SERPINA10: variants seen among roughly 807,000 people sequenced by gnomAD.
SERPINA10 encodes serpin family A member 10, also known as protein Z-dependent protease inhibitor.
In SERPINA10, 24 loss-of-function variants were observed where a neutral mutation model predicts 28.0. The observed-to-expected ratio is 0.86, with a 90% CI of 0.62 to 1.20. The LOEUF (loss-of-function observed/expected upper bound fraction) is 1.20, where lower values mean the gene tolerates loss of function less well. Ranked by LOEUF, SERPINA10 falls within the 50% of genes most tolerant of loss-of-function variation. The probability of loss-of-function intolerance (pLI) is 0.00; values close to 1 mark genes in which losing one functional copy is unlikely to be tolerated. For missense variants in SERPINA10, 521 were observed against 537.7 expected, an observed-to-expected ratio of 0.97 and a Z score of 0.31; for synonymous variants, 207 against 203.9, an observed-to-expected ratio of 1.02 and a Z score of -0.13.
intron 4 of SERPINA10, among the ~76,000 whole-genome samples, chr14:94,284,512 C>T (rs1316595732): frequency 6.6e-6 from 1 of 152,186 alleles, no homozygotes; most frequent in East Asian, 1.9e-4. Context: ...TTTCAAGCTG[C>T]CTGGATCCCT....
rs1894878811 is a variant in SERPINA10, at chr14:94,280,768, C to T, written c.*3197G>A. 2 of 152,174 alleles carry T rather than the reference C, an allele frequency of 1.3e-5. No individual in the cohort carries two copies. Among genetic ancestry groups the T allele is most frequent in the African/African-American group, 4.8e-5 (2 of 41,444 alleles). 9.4% of individuals were successfully genotyped at this position (152,174 alleles called of 1,614,324 possible). On this transcript the variant is annotated 3_prime_UTR_variant, in exon 5 of 5. Coordinates refer to ENST00000261994, the MANE Select transcript of SERPINA10 (RefSeq NM_001100607.3). The stretch of plus-strand genomic sequence containing the variant: ...AAGTCCAGGAATTTCACTAGTTAGC[C>T]TTACAAGCTAACTGTAGAGCTCACT...
intron 3 of SERPINA10, 33 bp from the exon 4 acceptor site, chr14:94,286,291 A>G: frequency 6.2e-7 from 1 of 1,611,926 alleles, no homozygotes; most frequent in Non-Finnish European, 8.5e-7. Flanking sequence ...GGTGAAATGT[A>G]GACAAAGCCC....
At chr14:94,292,582 T>G in intron 1 of SERPINA10, 1 of 701,532 alleles carries the variant, frequency 1.4e-6, no homozygotes, top group Non-Finnish European at 2.6e-6. Context: ...CAACTAGATG[T>G]CACCACCTCC....
chr14:94,291,843 C>T (rs780948618), intron 1 of SERPINA10, among the ~76,000 whole-genome samples: 8 of 152,256 alleles, frequency 5.3e-5, no homozygotes, highest in Admixed American at 1.3e-4. Flanking sequence ...CCGCCTCCAG[C>T]GCCAGGGCCC....
At position 94,290,152 on chromosome 14, in the gene SERPINA10, G is replaced by A; in HGVS notation, c.442C>T (p.Leu148Phe). 1 of 1,614,168 alleles carries A rather than the reference G, an allele frequency of 6.2e-7. No individual in the cohort carries two copies. The highest frequency in any genetic ancestry group is 2.2e-5 in the East Asian group (1 of 44,868). The part of the protein sequence containing the change: ...PGLLPSLFKG[L>F]RETLSRNLEL... ...AGGTTGCGGGAGAGGGTCTCTCTGA[G>A]TCCCTTAAAGAGGGAAGGCAGGAGC... The change falls in exon 2 of 5, where the codon CTC (leucine) becomes TTC (phenylalanine). Residue 148 changes from leucine (L) to phenylalanine (F), a missense_variant. Coordinates refer to ENST00000261994, the MANE Select transcript of SERPINA10 (RefSeq NM_001100607.3).
At chr14:94,288,139 G>C in intron 3 of SERPINA10, 147 bp downstream of exon 3, 1 of 1,092,626 alleles carries the variant, frequency 9.2e-7, no homozygotes, top group Non-Finnish European at 1.4e-6. Flanking sequence ...GGATAGAGTG[G>C]AAAAAAAGAC....
intron 1 of SERPINA10, among the ~76,000 whole-genome samples, chr14:94,291,595 T>C (rs1282991167): frequency 1.3e-5 from 2 of 152,182 alleles, no homozygotes; most frequent in Admixed American, 6.5e-5. Flanking sequence ...GCAGAACCCC[T>C]GGGACACCTG....
At chr14:94,290,772 T>A in intron 1 of SERPINA10, 129 bp from the exon 2 acceptor site, 2 of 992,676 alleles carry the variant, frequency 2.0e-6, no homozygotes, top group Non-Finnish European at 2.9e-6. Context: ...CAGGGAGACC[T>A]AGAGCAAGTG....
At chr14:94,288,630 A>G (rs867065836) in intron 2 of SERPINA10, 71 bp from the exon 3 acceptor site, 7 of 1,584,966 alleles carry the variant, frequency 4.4e-6, no homozygotes, top group African/African-American at 1.3e-5. Flanking sequence ...CTCAAATAAT[A>G]GAGAGGGAGC....
At chr14:94,290,906 C>T (rs899833092) in intron 1 of SERPINA10, among the ~76,000 whole-genome samples, 2 of 152,176 alleles carry the variant, frequency 1.3e-5, no homozygotes, top group Non-Finnish European at 2.9e-5. Flanking sequence ...TTCATCCCGT[C>T]TCCTCCCTGA....
intron 2 of SERPINA10, among the ~76,000 whole-genome samples, chr14:94,288,777 G>A (rs899908520): frequency 5.9e-5 from 9 of 152,276 alleles, no homozygotes; most frequent in African/African-American, 2.2e-4. Context: ...AGCCCAGCTA[G>A]CAAAATGCAG....
intron 4 of SERPINA10, among the ~76,000 whole-genome samples, chr14:94,285,261 A>G (rs1894990870): frequency 6.6e-6 from 1 of 152,186 alleles, no homozygotes; most frequent in South Asian, 2.1e-4. Context: ...AATGCTAACC[A>G]GTTCCCTGCA....
chr14:94,292,621 G>A (rs1895207315), intron 1 of SERPINA10: 1 of 701,274 alleles, frequency 1.4e-6, no homozygotes, highest in African/African-American at 1.8e-5. Context: ...TCCTGTTCTT[G>A]GAGCTTGTCC....
rs1190592879 is a variant in SERPINA10, at chr14:94,282,778, A to G, written c.*1187T>C. On this transcript the variant is annotated 3_prime_UTR_variant, in exon 5 of 5. Coordinates refer to ENST00000261994, the MANE Select transcript of SERPINA10 (RefSeq NM_001100607.3). ...CTAGATATGCAACTTTGAAAGACGAATATATTCATCTTTCTACCAATGCAG... is the reference window on the plus strand; with the variant it reads ...CTAGATATGCAACTTTGAAAGACGAGTATATTCATCTTTCTACCAATGCAG... 1.3e-5 allele frequency: 2 copies of G among 152,244 alleles called. No homozygotes were observed. The highest frequency in any genetic ancestry group is 2.9e-5 in the Non-Finnish European group (2 of 68,054). 9.4% of individuals were successfully genotyped at this position (152,244 alleles called of 1,614,324 possible). A position where few individuals can be genotyped will look rare whatever the true frequency, so the allele number is the denominator to read the frequency against.
Position 94,288,602 on chromosome 14 carries a change from T to C in SERPINA10, c.719-43A>G, listed in dbSNP as rs2295403. 1,394 of 1,611,788 alleles carry C rather than the reference T, an allele frequency of 8.6e-4. 20 individuals are homozygous for C. In the East Asian group the frequency reaches 0.027, roughly 31 times the overall value. On this transcript the variant is annotated intron_variant, in intron 2 of 4. Transcript: ENST00000261994. ...GAACTCATTGCAGAAATTCCCTCTT[T>C]GAAAAGCATTGTTCTTGCTCAAATA...
At chr14:94,287,125 C>A (rs990854919) in intron 3 of SERPINA10, among the ~76,000 whole-genome samples, 3 of 152,102 alleles carry the variant, frequency 2.0e-5, no homozygotes, top group African/African-American at 7.2e-5. Context: ...ATTTACAGAC[C>A]CCAACCCTGT....
Position 94,287,035 on chromosome 14 carries a change from C to T in SERPINA10, c.993-777G>A, listed in dbSNP as rs1044411712. On this transcript the variant is annotated intron_variant, in intron 3 of 4. Coordinates refer to ENST00000261994, the MANE Select transcript of SERPINA10 (RefSeq NM_001100607.3). ...ATGGAATTCGTATTGCAGCCATTTTCCTTGTACTCCAATAGGTGGATTAAT... is the reference window on the plus strand; with the variant it reads ...ATGGAATTCGTATTGCAGCCATTTTTCTTGTACTCCAATAGGTGGATTAAT... Among the ~76,000 whole-genome samples, 3 of 152,260 alleles carry T rather than the reference C, an allele frequency of 2.0e-5. No homozygotes were observed. In the South Asian group the frequency reaches 6.2e-4, roughly 32 times the overall value.
intron 3 of SERPINA10, 61 bp downstream of exon 3, chr14:94,288,225 T>A (rs1895071075): frequency 1.9e-6 from 3 of 1,602,570 alleles, no homozygotes; most frequent in African/African-American, 2.7e-5. Context: ...AATGAAATTG[T>A]GCTGAGCGTT....
In SERPINA10 at chr14:94,290,029, C is replaced by A; in HGVS notation, c.565G>T (p.Glu189Ter). The change falls in exon 2 of 5, where the codon GAG (glutamate) becomes TAG (stop). Residue 189 changes from glutamate to a stop codon, truncating the protein, a stop_gained. Transcript: ENST00000261994. LOFTEE classifies it high-confidence loss of function. ...FNLSKRYFDT[E>*]CVPMNFRNAS... ...TTGCGAAAATTCATAGGCACGCACT[C>A]TGTATCAAAATACCTCTTGGATAAA... The A allele has an allele frequency of 6.2e-7, 1 of 1,614,246 alleles. No individual in the cohort carries two copies. The highest frequency in any genetic ancestry group is 8.5e-7 in the Non-Finnish European group (1 of 1,180,044).
Sources: gnomAD v4.1 joint callset for allele counts (sites outside exome capture counted in the v4.1 genomes callset) on GRCh38, gnomAD v4.1.1 for gene constraint, MANE v1.5 for transcripts, NCBI Gene and HGNC (gene_info 2026-07-23, HGNC 2026-07-21) for gene names.